PDE4D: variants seen among roughly 807,000 people sequenced by gnomAD.
PDE4D encodes the protein 3',5'-cyclic-AMP phosphodiesterase 4D.
A neutral mutation model predicts 87.4 loss-of-function variants in PDE4D; 24 were observed. The ratio of observed to expected loss-of-function variants is 0.27; its 90% CI spans 0.20 to 0.39. PDE4D has a LOEUF of 0.39. Among genes scored for constraint, PDE4D ranks in the 10% least tolerant of loss-of-function variants. The pLI, the probability that PDE4D is intolerant of heterozygous loss-of-function variation, is 1.00. For synonymous variants in PDE4D, 384 were observed against 383.2 expected, an observed-to-expected ratio of 1.00 and a Z score of -0.02; for missense variants, 714 against 1,041.0, an observed-to-expected ratio of 0.69 and a Z score of 4.32.
chr5:59,930,593 C>A (rs942253416), intron 3 of PDE4D, among the ~76,000 whole-genome samples: 1 of 152,122 alleles, frequency 6.6e-6, no homozygotes, highest in African/African-American at 2.4e-5. Context: ...TTTTAAACCA[C>A]CCAGCTTACA....
intron 3 of PDE4D, among the ~76,000 whole-genome samples, chr5:59,946,259 GATAATGAT>G (rs1334151314): frequency 6.6e-6 from 1 of 152,208 alleles, no homozygotes; most frequent in Admixed American, 6.5e-5. Context: ...TCAAGTCACA[GATAATGAT>G]ACTGGCAAAG....
At chr5:59,590,869 A>G (rs1248331875) in intron 1 of PDE4D, among the ~76,000 whole-genome samples, 1 of 152,184 alleles carries the variant, frequency 6.6e-6, no homozygotes, top group Admixed American at 6.5e-5. Context: ...AAGATCGCTT[A>G]ATGCATCCAG....
At chr5:59,932,145 G>T (rs938047176) in intron 3 of PDE4D, among the ~76,000 whole-genome samples, 1 of 152,232 alleles carries the variant, frequency 6.6e-6, no homozygotes, top group Non-Finnish European at 1.5e-5. Context: ...GGTAGGTCAA[G>T]TGTTAAAAGC....
intron 2 of PDE4D, among the ~76,000 whole-genome samples, chr5:60,100,762 A>G (rs1776135931): frequency 6.6e-6 from 1 of 152,116 alleles, no homozygotes; most frequent in Non-Finnish European, 1.5e-5. Context: ...TTCATCATTT[A>G]TCACCAGCCC....
chr5:59,466,158 C>T (rs1052008866), intron 1 of PDE4D, among the ~76,000 whole-genome samples: 1 of 152,138 alleles, frequency 6.6e-6, no homozygotes, highest in African/African-American at 2.4e-5. Flanking sequence ...ACTGAACCAG[C>T]ATTTTAGTGT....
At chr5:59,315,408 G>A (rs1218930988) in intron 1 of PDE4D, among the ~76,000 whole-genome samples, 1 of 152,136 alleles carries the variant, frequency 6.6e-6, no homozygotes, top group Non-Finnish European at 1.5e-5. Context: ...GCAGGAAGCA[G>A]CCACAGAGGA....
intron 2 of PDE4D, among the ~76,000 whole-genome samples, chr5:60,052,489 C>T (rs1398002578): frequency 2.6e-5 from 4 of 151,914 alleles, no homozygotes; most frequent in South Asian, 2.1e-4. Flanking sequence ...AATTCAACAC[C>T]CCTTCATGCT....
rs766743036 is a variant in PDE4D at position 59,988,575 on chromosome 5, T to C, written c.185A>G (p.Lys62Arg). 3.1e-6 allele frequency: 5 copies of C among 1,599,460 alleles called. No individual in the cohort carries two copies. In the East Asian group the frequency reaches 6.7e-5, roughly 21 times the overall value. Residue 62 changes from lysine (K) to arginine (R), a missense_variant, in exon 3 of 17, where the codon AAA becomes AGA. Physicochemically the swap from Lys to Arg is conservative, Grantham distance 26 (BLOSUM62 2). Coordinates refer to the PDE4D transcript ENST00000502484. ...TCGTTGAATGTTCTCTGATTCACTT[T>C]TCAAGTCAGCTTGTTCCAACTGTCT...
chr5:59,157,946 C>G (rs558773176), intron 5 of PDE4D, among the ~76,000 whole-genome samples: 1 of 152,336 alleles, frequency 6.6e-6, no homozygotes, highest in East Asian at 1.9e-4. Context: ...TTAGAGATGT[C>G]TGGCTCCAAC....
At chr5:60,118,140 A>G (rs1430206778) in intron 2 of PDE4D, among the ~76,000 whole-genome samples, 2 of 152,040 alleles carry the variant, frequency 1.3e-5, no homozygotes, top group South Asian at 2.1e-4. Context: ...TCTTTTCTCT[A>G]TTTTCTAAAA....
chr5:60,262,582 GAGA>G (rs1370399453), intron 1 of PDE4D: 5 of 152,162 alleles, frequency 3.3e-5, no homozygotes, highest in African/African-American at 1.2e-4. Context: ...ATATCCTGCA[GAGA>G]AGGTGTTTCC....
intron 3 of PDE4D, among the ~76,000 whole-genome samples, chr5:59,954,541 G>A (rs963284836): frequency 2.6e-5 from 4 of 152,224 alleles, no homozygotes; most frequent in Non-Finnish European, 4.4e-5. Flanking sequence ...AGAAATGGCC[G>A]TTATTATTAG....
intron 1 of PDE4D, among the ~76,000 whole-genome samples, chr5:59,722,480 T>A (rs933712407): frequency 1.3e-5 from 2 of 152,214 alleles, no homozygotes; most frequent in Non-Finnish European, 2.9e-5. Flanking sequence ...TTTCACCCTT[T>A]TCCTCCAGTA....
chr5:59,312,565 C>T (rs992694168), intron 1 of PDE4D, among the ~76,000 whole-genome samples: 1 of 152,168 alleles, frequency 6.6e-6, no homozygotes, highest in Non-Finnish European at 1.5e-5. Flanking sequence ...ATCCTATAGC[C>T]TTTCTGAAAA....
rs10705466 is a variant in PDE4D, at chr5:59,401,443, A to ACTATCTATCTATCTAT, written c.456-185491_456-185476dup. ...TCTGTTTCTAATACATATATTAGAG[A>ACTATCTATCTATCTAT]CTATCTATCTATCTATCTATCTATC... On this transcript the variant is annotated intron_variant, in intron 1 of 14. Coordinates refer to ENST00000340635, the MANE Select transcript of PDE4D (RefSeq NM_001104631.2). 1.9e-4 allele frequency among the ~76,000 whole-genome samples: 24 copies of ACTATCTATCTATCTAT among 127,466 alleles called. 1 individual carries two copies. Among genetic ancestry groups the ACTATCTATCTATCTAT allele is most frequent in the Non-Finnish European group, 2.9e-4 (17 of 59,108 alleles). 83.6% of individuals were successfully genotyped at this position (127,466 alleles called of 152,430 possible).
intron 1 of PDE4D, among the ~76,000 whole-genome samples, chr5:59,239,699 T>C (rs1216173595): frequency 1.3e-5 from 2 of 152,166 alleles, no homozygotes; most frequent in Non-Finnish European, 1.5e-5. Context: ...GCTTTAACTC[T>C]AGGTTCCCAA....
At chr5:59,075,229 A>G (rs971473509) in intron 5 of PDE4D, among the ~76,000 whole-genome samples, 3 of 152,176 alleles carry the variant, frequency 2.0e-5, no homozygotes, top group Admixed American at 1.3e-4. Flanking sequence ...AAGAAAAAGA[A>G]AAGAAATTGT....
At chr5:60,460,730 T>C in intron 1 of PDE4D, 1 of 733,132 alleles carries the variant, frequency 1.4e-6, no homozygotes, top group Non-Finnish European at 2.3e-6. Flanking sequence ...GACTGGCATT[T>C]GGGGGCCATG....
At chr5:59,546,142 C>T (rs159194) in intron 1 of PDE4D, among the ~76,000 whole-genome samples, 123,753 of 152,080 alleles carry the variant, frequency 0.81, 50,579 homozygotes, top group South Asian at 0.91. Context: ...TCCAATAGCA[C>T]AGTAAGCACT....
Sources: allele counts gnomAD v4.1 joint callset (sites outside exome capture counted in the v4.1 genomes callset), GRCh38; gene constraint gnomAD v4.1.1; transcripts MANE v1.5; gene names NCBI Gene and HGNC (gene_info 2026-07-23, HGNC 2026-07-21).